EIF2AK3: variants seen among roughly 807,000 people sequenced by gnomAD.
EIF2AK3 encodes eukaryotic translation initiation factor 2 alpha kinase 3, also known as eukaryotic translation initiation factor 2-alpha kinase 3.
A neutral mutation model predicts 113.5 loss-of-function variants in EIF2AK3; 50 were observed. The observed-to-expected ratio is 0.44, with a 90% CI of 0.35 to 0.56. EIF2AK3 has a LOEUF of 0.56. Among genes scored for constraint, EIF2AK3 ranks in the 20% least tolerant of loss-of-function variants. EIF2AK3 has a pLI of 0.00. For missense variants in EIF2AK3, 1,185 were observed against 1,378.0 expected (o/e 0.86, Z 2.22); for synonymous variants, 448 against 495.4 (o/e 0.90, Z 1.27).
intron 3 of EIF2AK3, among the ~76,000 whole-genome samples, chr2:88,595,090 G>A (rs1674985263): frequency 6.7e-6 from 1 of 149,730 alleles, no homozygotes; most frequent in South Asian, 2.1e-4. Context: ...CTACTCAGGA[G>A]GCTGAGGCAC....
At chr2:88,558,251 T>C (rs1396195562) in intron 16 of EIF2AK3, among the ~76,000 whole-genome samples, 1 of 152,234 alleles carries the variant, frequency 6.6e-6, no homozygotes, top group Non-Finnish European at 1.5e-5. Context: ...TTTGGGTAAT[T>C]TGATTTTCTA....
chr2:88,575,696 C>A (rs752024858), intron 12 of EIF2AK3: 4 of 496,384 alleles, frequency 8.1e-6, no homozygotes, highest in Non-Finnish European at 1.5e-5. Flanking sequence ...CTGTCTGGGG[C>A]TGCCAGAGCA....
Position 88,574,877 on chromosome 2 carries a change from T to G in EIF2AK3, c.2606A>C (p.Lys869Thr). 1 of 1,614,214 alleles carries G rather than the reference T, an allele frequency of 6.2e-7. No homozygotes were observed. The highest frequency in any genetic ancestry group is 8.5e-7 in the Non-Finnish European group (1 of 1,180,026). ...RPTTLSLDLTKNTTEKLQPSS... is the reference protein window; with the variant it reads ...RPTTLSLDLTTNTTEKLQPSS... ...GGGCTGGAGTTTTTCTGTGGTGTTTTTAGTGAGATCTAAACTTAAAGTGGT... is the reference window on the plus strand; with the variant it reads ...GGGCTGGAGTTTTTCTGTGGTGTTTGTAGTGAGATCTAAACTTAAAGTGGT... Residue 869 changes from lysine (K) to threonine (T), a missense_variant, in exon 13 of 17, where the codon AAA becomes ACA. Coordinates refer to ENST00000303236, the MANE Select transcript of EIF2AK3 (RefSeq NM_004836.7).
chr2:88,560,745 GTTTTTTT>G (rs78200500), intron 15 of EIF2AK3, among the ~76,000 whole-genome samples: 2 of 130,996 alleles, frequency 1.5e-5, no homozygotes, highest in East Asian at 4.5e-4. Flanking sequence ...TATTTTGACT[GTTTTTTT>G]TTTTTTTTCA....
chr2:88,574,574 C>T, intron 13 of EIF2AK3, 92 bp downstream of exon 13: 2 of 1,484,538 alleles, frequency 1.3e-6, no homozygotes, highest in South Asian at 2.4e-5. Flanking sequence ...CTCTCCCCAA[C>T]TCTTAAGGAT....
chr2:88,599,896 A>G (rs988700840), intron 2 of EIF2AK3, among the ~76,000 whole-genome samples: 13 of 152,300 alleles, frequency 8.5e-5, no homozygotes, highest in African/African-American at 2.6e-4. Context: ...AAACCAGCCA[A>G]TCAACCAACA....
At chr2:88,602,949 GAACTT>G (rs956595234) in intron 2 of EIF2AK3, among the ~76,000 whole-genome samples, 2 of 151,274 alleles carry the variant, frequency 1.3e-5, no homozygotes, top group Non-Finnish European at 2.9e-5. Context: ...CTATATCCTG[GAACTT>G]AAAGTAAAAA....
At chr2:88,620,138 G>T (rs927459991) in intron 1 of EIF2AK3, among the ~76,000 whole-genome samples, 2 of 151,914 alleles carry the variant, frequency 1.3e-5, no homozygotes, top group South Asian at 4.2e-4. Context: ...AACTTCCAAG[G>T]TTCCCTGTGC....
intron 14 of EIF2AK3, 100 bp from the exon 15 acceptor site, chr2:88,562,490 G>T: frequency 1.0e-6 from 1 of 962,802 alleles, no homozygotes; most frequent in Non-Finnish European, 1.7e-6. Flanking sequence ...TCACTTCTTG[G>T]TTTAAATGCA....
chr2:88,626,281 C>T (rs1675855156), intron 1 of EIF2AK3, among the ~76,000 whole-genome samples: 1 of 152,342 alleles, frequency 6.6e-6, no homozygotes, highest in South Asian at 2.1e-4. Context: ...AACCATGGCT[C>T]TTAGGTTCAA....
At chr2:88,610,589 C>T (rs922661275) in intron 2 of EIF2AK3, among the ~76,000 whole-genome samples, 11 of 152,074 alleles carry the variant, frequency 7.2e-5, no homozygotes, top group African/African-American at 2.2e-4. Context: ...AAGGCAGACG[C>T]GGATACAACT....
At chr2:88,586,376 A>G (rs1018736627) in intron 8 of EIF2AK3, among the ~76,000 whole-genome samples, 7 of 152,052 alleles carry the variant, frequency 4.6e-5, no homozygotes, top group African/African-American at 1.7e-4. Flanking sequence ...TTAATACTCA[A>G]TCTTCCTTCA....
At chr2:88,611,502 TTTTC>T (rs1166774870) in intron 2 of EIF2AK3, among the ~76,000 whole-genome samples, 2 of 152,000 alleles carry the variant, frequency 1.3e-5, no homozygotes, top group Admixed American at 6.6e-5. Context: ...TACCTTCAGA[TTTTC>T]TTTTTTTTTT....
intron 3 of EIF2AK3, among the ~76,000 whole-genome samples, chr2:88,595,043 A>G (rs192085429): frequency 6.6e-6 from 1 of 150,410 alleles, no homozygotes; most frequent in East Asian, 2.0e-4. Context: ...GAATACAAAA[A>G]TTAGCCAAGC....
intron 1 of EIF2AK3, among the ~76,000 whole-genome samples, chr2:88,616,056 G>A (rs1675560868): frequency 6.6e-6 from 1 of 151,652 alleles, no homozygotes; most frequent in Non-Finnish European, 1.5e-5. Context: ...ATGCTATTCT[G>A]TCTCAGTTTC....
intron 1 of EIF2AK3, among the ~76,000 whole-genome samples, chr2:88,624,566 T>A (rs779813424): frequency 6.6e-6 from 1 of 152,144 alleles, no homozygotes; most frequent in Non-Finnish European, 1.5e-5. Flanking sequence ...CTCATCTTCC[T>A]CCCTAAAATA....
rs74937940 is a variant in EIF2AK3, at chr2:88,581,588, T to C, written c.1763+1842A>G. 2.2e-3 allele frequency among the ~76,000 whole-genome samples: 335 copies of C among 152,344 alleles called. 1 individual carries two copies. Among genetic ancestry groups the C allele is most frequent in the African/African-American group, 7.8e-3 (326 of 41,578 alleles). ...TTTATTTCTCCCAAAGCCTGAAATA[T>C]TGTCCTGCACACAGCTGTTCCGAAT... On this transcript the variant is annotated intron_variant, in intron 10 of 16. Coordinates refer to ENST00000303236, the MANE Select transcript of EIF2AK3 (RefSeq NM_004836.7).
chr2:88,610,516 A>G (rs908700759), intron 2 of EIF2AK3, among the ~76,000 whole-genome samples: 1 of 152,196 alleles, frequency 6.6e-6, no homozygotes, highest in Non-Finnish European at 1.5e-5. Flanking sequence ...TTCCAACTAC[A>G]TTTGTATGTG....
rs1437063840 is a variant in EIF2AK3 at position 88,557,841 on chromosome 2, A to G, written c.3246T>C (p.Phe1082=). ...IENAVFEDLD[F]PGKTVLRQRS... ...TCTGTCTGAGCACTGTTTTTCCTGGAAAGTCCAAGTCCTCAAATACAGCAT... is the reference window on the plus strand; with the variant it reads ...TCTGTCTGAGCACTGTTTTTCCTGGGAAGTCCAAGTCCTCAAATACAGCAT... The change falls in exon 17 of 17, where the codon TTT becomes TTC. Residue 1082 remains phenylalanine (F), a synonymous_variant. Transcript: ENST00000303236. 5 of 1,614,020 alleles carry G rather than the reference A, an allele frequency of 3.1e-6. No individual in the cohort carries two copies. The highest frequency in any genetic ancestry group is 3.3e-5 in the Admixed American group (2 of 59,994).
Sources: gnomAD v4.1 joint callset for allele counts (sites outside exome capture counted in the v4.1 genomes callset) on GRCh38, gnomAD v4.1.1 for gene constraint, MANE v1.5 for transcripts, NCBI Gene and HGNC (gene_info 2026-07-23, HGNC 2026-07-21) for gene names.